LRP1B: variants seen among roughly 807,000 people sequenced by gnomAD.
The protein encoded by LRP1B is low-density lipoprotein receptor-related protein 1B.
In LRP1B, 217 loss-of-function variants were observed where a neutral mutation model predicts 556.6. The ratio of observed to expected loss-of-function variants is 0.39; its 90% CI spans 0.35 to 0.44. LRP1B has a LOEUF of 0.44. Among genes scored for constraint, LRP1B ranks in the 20% least tolerant of loss-of-function variants. The pLI, the probability that LRP1B is intolerant of heterozygous loss-of-function variation, is 1.00. For missense variants in LRP1B, 5,053 were observed against 5,620.8 expected (o/e 0.90, Z 3.23); for synonymous variants, 2,047 against 1,865.8 (o/e 1.10, Z -2.50).
intron 7 of LRP1B, among the ~76,000 whole-genome samples, chr2:141,169,808 A>C (rs1460407045): frequency 6.6e-6 from 1 of 151,488 alleles, no homozygotes; most frequent in African/African-American, 2.4e-5. Context: ...ACCAAAAAAA[A>C]AAAAAAAAAA....
At chr2:141,169,634 T>C (rs938523201) in intron 7 of LRP1B, among the ~76,000 whole-genome samples, 1 of 151,920 alleles carries the variant, frequency 6.6e-6, no homozygotes, top group Middle Eastern at 3.4e-3. Flanking sequence ...TGTCCTTTGT[T>C]AAAACAAAAG....
chr2:141,616,302 G>T (rs1218708073), intron 2 of LRP1B, among the ~76,000 whole-genome samples: 1 of 133,764 alleles, frequency 7.5e-6, no homozygotes, highest in Admixed American at 7.4e-5. Context: ...AAAAAAAAAA[G>T]AAAAAAAAGC....
intron 45 of LRP1B, among the ~76,000 whole-genome samples, chr2:140,538,896 A>G (rs183362120): frequency 1.7e-3 from 261 of 152,174 alleles, no homozygotes; most frequent in African/African-American, 5.6e-3. Flanking sequence ...GACAAAAACT[A>G]TTCAAAGATA....
intron 43 of LRP1B, among the ~76,000 whole-genome samples, chr2:140,551,024 G>C (rs1289246897): frequency 3.9e-5 from 6 of 152,078 alleles, no homozygotes; most frequent in South Asian, 2.1e-4. Flanking sequence ...CAAGAAAGCA[G>C]CTGTCTGAAA....
intron 77 of LRP1B, among the ~76,000 whole-genome samples, chr2:140,343,234 T>C: frequency 6.6e-6 from 1 of 151,588 alleles, no homozygotes; most frequent in Non-Finnish European, 1.5e-5. Context: ...GGCAAAAGTT[T>C]ATTAGTATTT....
At chr2:141,575,649 T>G (rs1037647987) in intron 2 of LRP1B, among the ~76,000 whole-genome samples, 1 of 151,868 alleles carries the variant, frequency 6.6e-6, no homozygotes, top group African/African-American at 2.4e-5. Flanking sequence ...GAAACTATCA[T>G]CAGAGTGAAC....
intron 2 of LRP1B, among the ~76,000 whole-genome samples, chr2:141,757,107 C>G (rs537821429): frequency 1.3e-5 from 2 of 152,120 alleles, no homozygotes; most frequent in South Asian, 2.1e-4. Context: ...AAATACAAAC[C>G]TGTAAGTTAT....
At chr2:141,766,697 G>A (rs1055208779) in intron 2 of LRP1B, among the ~76,000 whole-genome samples, 1 of 152,134 alleles carries the variant, frequency 6.6e-6, no homozygotes, top group Admixed American at 6.5e-5. Flanking sequence ...GATTACAAGA[G>A]GCTTCAATCA....
intron 1 of LRP1B, among the ~76,000 whole-genome samples, chr2:141,819,746 G>A (rs1426935315): frequency 7.9e-5 from 12 of 152,134 alleles, no homozygotes; most frequent in Non-Finnish European, 1.6e-4. Context: ...GAGGATATTG[G>A]ACGTTCCCAA....
At chr2:141,196,633 T>C (rs1681763192) in intron 6 of LRP1B, among the ~76,000 whole-genome samples, 1 of 152,084 alleles carries the variant, frequency 6.6e-6, no homozygotes, top group Admixed American at 6.6e-5. Context: ...CTTTTCTTTT[T>C]CTTTCTTAGA....
intron 1 of LRP1B, among the ~76,000 whole-genome samples, chr2:141,856,464 C>A (rs57919117): frequency 6.6e-6 from 1 of 152,100 alleles, no homozygotes; most frequent in Non-Finnish European, 1.5e-5. Context: ...ATACAAATTT[C>A]ACCTAGCAAC....
intron 2 of LRP1B, among the ~76,000 whole-genome samples, chr2:141,664,893 G>C (rs1356398692): frequency 1.3e-5 from 2 of 152,004 alleles, no homozygotes; most frequent in African/African-American, 4.8e-5. Context: ...GAGCCTGTCT[G>C]CCCAAGAAAT....
At chr2:141,698,045 T>C (rs1043539685) in intron 2 of LRP1B, among the ~76,000 whole-genome samples, 2 of 151,962 alleles carry the variant, frequency 1.3e-5, no homozygotes, top group Admixed American at 1.3e-4. Context: ...AAAAGTCATC[T>C]CTTGGAAGGA....
intron 3 of LRP1B, among the ~76,000 whole-genome samples, chr2:141,313,893 CT>C (rs1357726783): frequency 6.7e-6 from 1 of 148,954 alleles, no homozygotes; most frequent in Non-Finnish European, 1.5e-5. Context: ...CACATCTATT[CT>C]TTTCTCACCA....
chr2:140,580,919 A>G (rs1681736524), intron 43 of LRP1B, among the ~76,000 whole-genome samples: 2 of 152,206 alleles, frequency 1.3e-5, no homozygotes, highest in Admixed American at 1.3e-4. Flanking sequence ...CTTGAAAATG[A>G]GGAGAGAGAA....
intron 3 of LRP1B, among the ~76,000 whole-genome samples, chr2:141,348,196 GA>G (rs535118943): frequency 1.5e-3 from 225 of 152,122 alleles, no homozygotes; most frequent in African/African-American, 5.1e-3. Flanking sequence ...GGGTAAAAGG[GA>G]AATTTAGTGA....
At position 140,838,843 on chromosome 2, in the gene LRP1B, G is replaced by C. The variant is rs373269717; in HGVS notation, c.5209+1148C>G. On this transcript the variant is annotated intron_variant, in intron 31 of 90. Coordinates refer to ENST00000389484, the MANE Select transcript of LRP1B (RefSeq NM_018557.3). Reference sequence around the variant, plus strand: ...ATGAAAGAAAACATGAGGAAAAAGTGATTAAGGTTCGAAACAGTATTATAA... The same window carrying C: ...ATGAAAGAAAACATGAGGAAAAAGTCATTAAGGTTCGAAACAGTATTATAA... Among the ~76,000 whole-genome samples, 21 of 152,238 alleles carry C rather than the reference G, an allele frequency of 1.4e-4. No homozygotes were observed. The East Asian group carries it at 3.9e-3, about 28-fold the overall frequency.
chr2:141,003,307 G>A (rs1261726852), intron 15 of LRP1B, among the ~76,000 whole-genome samples: 1 of 151,990 alleles, frequency 6.6e-6, no homozygotes, highest in East Asian at 1.9e-4. Flanking sequence ...ACAGAATTTG[G>A]GGTCTAAATT....
intron 41 of LRP1B, among the ~76,000 whole-genome samples, chr2:140,664,241 G>A (rs184657477): frequency 8.5e-5 from 13 of 152,254 alleles, no homozygotes; most frequent in Non-Finnish European, 1.8e-4. Context: ...GTGAGCACAT[G>A]TTATTGGAAA....
Sources: gnomAD v4.1 joint callset for allele counts (sites outside exome capture counted in the v4.1 genomes callset) on GRCh38, gnomAD v4.1.1 for gene constraint, MANE v1.5 for transcripts, NCBI Gene and HGNC (gene_info 2026-07-23, HGNC 2026-07-21) for gene names.